Variants in PDE4D observed in about 807,000 individuals in gnomAD.
PDE4D encodes the protein phosphodiesterase 4D.
Under a neutral mutation model 87.4 loss-of-function variants are expected in PDE4D, and 24 were observed. The observed-to-expected ratio is 0.27, with a 90% CI of 0.20 to 0.39. The LOEUF is 0.39. Among genes scored for constraint, PDE4D ranks in the 10% least tolerant of loss-of-function variants. The pLI, the probability that PDE4D is intolerant of heterozygous loss-of-function variation, is 1.00. For missense variants in PDE4D, 714 were observed against 1,041.0 expected, an observed-to-expected ratio of 0.69 and a Z score of 4.32; for synonymous variants, 384 against 383.2, an observed-to-expected ratio of 1.00 and a Z score of -0.02.
At chr5:59,990,833 G>A (rs753210466) in intron 2 of PDE4D, among the ~76,000 whole-genome samples, 5 of 152,134 alleles carry the variant, frequency 3.3e-5, no homozygotes, top group Middle Eastern at 3.4e-3. Context: ...ATCTTACTTC[G>A]CCTGGGACCT....
At chr5:60,044,630 T>C (rs1311892216) in intron 2 of PDE4D, among the ~76,000 whole-genome samples, 1 of 152,098 alleles carries the variant, frequency 6.6e-6, no homozygotes, top group Non-Finnish European at 1.5e-5. Flanking sequence ...TTTTTTGTTC[T>C]TGCGATAGTT....
chr5:59,009,971 G>T (rs13357758), intron 6 of PDE4D, among the ~76,000 whole-genome samples: 15,369 of 152,208 alleles, frequency 0.1, 1,042 homozygotes, highest in Non-Finnish European at 0.13. Flanking sequence ...CAGGCATACA[G>T]TTATCCAAGG....
intron 3 of PDE4D, among the ~76,000 whole-genome samples, chr5:59,981,668 G>C (rs963581557): frequency 1.3e-5 from 2 of 152,120 alleles, no homozygotes; most frequent in Non-Finnish European, 2.9e-5. Flanking sequence ...ATCACTTAAA[G>C]CTTGAACATA....
At chr5:59,100,956 G>A (rs1379788260) in intron 5 of PDE4D, among the ~76,000 whole-genome samples, 3 of 152,232 alleles carry the variant, frequency 2.0e-5, no homozygotes, top group Non-Finnish European at 2.9e-5. Flanking sequence ...TAGAGAGGAC[G>A]GCAATTGGTA....
intron 2 of PDE4D, among the ~76,000 whole-genome samples, chr5:60,031,886 G>C (rs1767282096): frequency 6.6e-6 from 1 of 152,150 alleles, no homozygotes; most frequent in Admixed American, 6.5e-5. Flanking sequence ...TACATATGCA[G>C]AAAATATACA....
intron 2 of PDE4D, among the ~76,000 whole-genome samples, chr5:60,148,387 C>T (rs1781205869): frequency 6.6e-6 from 1 of 152,100 alleles, no homozygotes; most frequent in Admixed American, 6.5e-5. Context: ...CAACTATTTA[C>T]ATAGAATTTA....
chr5:59,079,314 C>G (rs1318206169), intron 5 of PDE4D, among the ~76,000 whole-genome samples: 1 of 152,050 alleles, frequency 6.6e-6, no homozygotes, highest in East Asian at 1.9e-4. Context: ...TGGTAGAAAT[C>G]TTAGGAAATA....
chr5:60,359,079 T>C (rs550484815), intron 1 of PDE4D, among the ~76,000 whole-genome samples: 2 of 152,288 alleles, frequency 1.3e-5, no homozygotes, highest in East Asian at 3.9e-4. Context: ...AGTAAGAATA[T>C]ATGTGGTCTT....
intron 1 of PDE4D, among the ~76,000 whole-genome samples, chr5:60,409,338 G>A (rs1480689583): frequency 1.3e-5 from 2 of 152,070 alleles, no homozygotes; most frequent in Admixed American, 6.6e-5. Flanking sequence ...CATGTTCCAG[G>A]AGCAGAAAGT....
chr5:60,025,081 C>G (rs1241129848), intron 2 of PDE4D, among the ~76,000 whole-genome samples: 2 of 151,848 alleles, frequency 1.3e-5, no homozygotes, highest in African/African-American at 4.9e-5. Flanking sequence ...CAGGACAAAG[C>G]ATTGTTGAAT....
At chr5:59,465,369 CATGTGCACATACACAT>C (rs1801427618) in intron 1 of PDE4D, among the ~76,000 whole-genome samples, 1 of 152,184 alleles carries the variant, frequency 6.6e-6, no homozygotes, top group South Asian at 2.1e-4. Context: ...CATATCCATA[CATGTGCACATACACAT>C]ATGTGCACAC....
chr5:59,116,132 C>T (rs138512123), intron 5 of PDE4D, among the ~76,000 whole-genome samples: 20 of 152,158 alleles, frequency 1.3e-4, no homozygotes, highest in African/African-American at 4.6e-4. Context: ...AATCTTTGTC[C>T]AAATTCATTA....
At chr5:59,228,938 C>A (rs555593857) in intron 1 of PDE4D, among the ~76,000 whole-genome samples, 1 of 152,158 alleles carries the variant, frequency 6.6e-6, no homozygotes, top group South Asian at 2.1e-4. Context: ...CTCAATGTTA[C>A]CTTCATGAGA....
intron 2 of PDE4D, among the ~76,000 whole-genome samples, chr5:59,214,469 G>A (rs1374988350): frequency 1.3e-5 from 2 of 152,074 alleles, no homozygotes; most frequent in Non-Finnish European, 1.5e-5. Flanking sequence ...TCCCTTGGGT[G>A]GAAAACTCTC....
chr5:60,307,592 C>CA (rs1754619146), intron 1 of PDE4D, among the ~76,000 whole-genome samples: 1 of 152,066 alleles, frequency 6.6e-6, no homozygotes, highest in African/African-American at 2.4e-5. Flanking sequence ...GCCCATAGAA[C>CA]ACGCCAATGG....
chr5:60,434,278 G>A (rs970735349), intron 1 of PDE4D, among the ~76,000 whole-genome samples: 4 of 152,020 alleles, frequency 2.6e-5, no homozygotes, highest in Non-Finnish European at 4.4e-5. Flanking sequence ...TGTAAGATTC[G>A]GCACTGTAAG....
intron 1 of PDE4D, among the ~76,000 whole-genome samples, chr5:60,349,504 T>C (rs2149920299): frequency 6.6e-6 from 1 of 152,326 alleles, no homozygotes; most frequent in South Asian, 2.1e-4. Flanking sequence ...CATGCCACTT[T>C]AAACTGTTGG....
intron 5 of PDE4D, among the ~76,000 whole-genome samples, chr5:59,052,830 T>C (rs1053380100): frequency 6.6e-6 from 1 of 152,232 alleles, no homozygotes; most frequent in African/African-American, 2.4e-5. Flanking sequence ...CATATATTCA[T>C]ATCTCTATCT....
At chr5:59,528,982 G>A (rs1301613451) in intron 1 of PDE4D, 12 of 456,202 alleles carry the variant, frequency 2.6e-5, no homozygotes, top group Non-Finnish European at 2.7e-5. Flanking sequence ...GGCCATAAGA[G>A]CCCAGCTGAA....
Sources: gnomAD v4.1 joint callset for allele counts (sites outside exome capture counted in the v4.1 genomes callset) on GRCh38, gnomAD v4.1.1 for gene constraint, MANE v1.5 for transcripts, NCBI Gene and HGNC (gene_info 2026-07-23, HGNC 2026-07-21) for gene names.